AMER3: variants seen among roughly 807,000 people sequenced by gnomAD.
AMER3 encodes the protein family with sequence similarity 123C.
For synonymous variants in AMER3, 541 were observed against 485.5 expected, an observed-to-expected ratio of 1.11 and a Z score of -1.50; for missense variants, 1,201 against 1,139.4, an observed-to-expected ratio of 1.05 and a Z score of -0.78.
Position 130,762,919 on chromosome 2 carries a change from G to T in AMER3, c.847G>T (p.Val283Phe). The T allele has an allele frequency of 6.2e-7, 1 of 1,612,754 alleles. No homozygotes were observed. Among genetic ancestry groups the T allele is most frequent in the Non-Finnish European group, 8.5e-7 (1 of 1,179,646 alleles). The stretch of plus-strand genomic sequence containing the variant: ...GGCTGCTCAGGGCCTGGAGAGCAAG[G>T]TTCCCAGGGGCCCTCTCCAGGGCAG... Reference protein sequence around the residue: ...TQAAQGLESKVPRGPLQGSVE... With the variant: ...TQAAQGLESKFPRGPLQGSVE... Residue 283 changes from valine (V) to phenylalanine (F), a missense_variant, in exon 2 of 2, where the codon GTT becomes TTT. By Grantham distance (50) the Val-to-Phe change is conservative. Coordinates refer to ENST00000321420, the MANE Select transcript of AMER3 (RefSeq NM_152698.3).
Position 130,762,584 on chromosome 2 carries a change from C to T in AMER3, c.512C>T (p.Thr171Ile). 6.2e-7 allele frequency: 1 copy of T among 1,613,310 alleles called. No individual in the cohort carries two copies. The highest frequency in any genetic ancestry group is 8.5e-7 in the Non-Finnish European group (1 of 1,179,994). ...CTATTCCACATTCGGAGAAACAAGACTGAGGACTTGGCCTCGCTGGCGGCC... is the reference window on the plus strand; with the variant it reads ...CTATTCCACATTCGGAGAAACAAGATTGAGGACTTGGCCTCGCTGGCGGCC... ...RNLFHIRRNK[T>I]EDLASLAAEG... is the part of the protein sequence containing the mutation. Residue 171 changes from threonine to isoleucine, a missense_variant, in exon 2 of 2, where the codon ACT becomes ATT. By Grantham distance (89) the Thr-to-Ile change is moderately conservative (BLOSUM62 -1). Transcript: ENST00000321420.
intron 1 of AMER3, 94 bp from the exon 2 acceptor site, chr2:130,761,960 A>C: frequency 7.5e-6 from 9 of 1,192,144 alleles, no homozygotes; most frequent in Non-Finnish European, 9.3e-6. Context: ...AGGCCCCTGC[A>C]GAGAGTGAGC....
rs1431231336 is a variant in AMER3 at position 130,762,864 on chromosome 2, GCTGAACGAGGGC to G, written c.794_805del (p.Leu265_Gly268del). Reference sequence around the variant, plus strand: ...ATGAGAGCTCGGTGCCATCTCTGGAGCTGAACGAGGGCCCGGAGAGCCCAACCCAGGCTGCTC... The same window carrying G: ...ATGAGAGCTCGGTGCCATCTCTGGAGCCGGAGAGCCCAACCCAGGCTGCTC... On this transcript the variant is annotated inframe_deletion, in exon 2 of 2. Coordinates refer to ENST00000321420, the MANE Select transcript of AMER3 (RefSeq NM_152698.3). 3.7e-6 allele frequency: 6 copies of G among 1,613,276 alleles called. No homozygotes were observed. Among genetic ancestry groups the G allele is most frequent in the Non-Finnish European group, 5.1e-6 (6 of 1,180,008 alleles).
rs779306508 is a variant in AMER3, at chr2:130,763,627, C to T, written c.1555C>T (p.Arg519Cys). ...VSWLRRGPTP[R>C]APPTPGQPAA... is the part of the protein sequence containing the mutation. The stretch of plus-strand genomic sequence containing the variant: ...CTGGCTGCGCCGAGGCCCCACGCCC[C>T]GTGCCCCACCCACCCCTGGGCAGCC... Residue 519 changes from arginine (R) to cysteine (C), a missense_variant, in exon 2 of 2, where the codon CGT (arginine) becomes TGT (cysteine). Arg to Cys is a radical substitution (Grantham distance 180). Transcript: ENST00000321420. 44 of 1,552,556 alleles carry T rather than the reference C, an allele frequency of 2.8e-5. No homozygotes were observed. The highest frequency in any genetic ancestry group is 3.5e-5 in the Non-Finnish European group (40 of 1,150,752).
In AMER3 at chr2:130,763,283, GC is replaced by G; in HGVS notation, c.1214del (p.Pro405GlnfsTer91). Reference protein sequence around the residue: ...GLEEDKKEAESPGTPAATFPR... With the variant: ...GLEEDKKEAEXPGTPAATFPR... The stretch of plus-strand genomic sequence containing the variant: ...GAGGAGGACAAGAAGGAAGCTGAGA[GC>G]CCAGGCACTCCTGCCGCCACCTTCC... On this transcript the variant is annotated frameshift_variant, in exon 2 of 2. Transcript: ENST00000321420. LOFTEE classifies it low-confidence loss of function (END_TRUNC). The G allele has an allele frequency of 6.2e-7, 1 of 1,613,802 alleles. No individual in the cohort carries two copies. The highest frequency in any genetic ancestry group is 8.5e-7 in the Non-Finnish European group (1 of 1,180,036).
chr2:130,759,617 C>G (rs956153326), intron 1 of AMER3, among the ~76,000 whole-genome samples: 1 of 152,096 alleles, frequency 6.6e-6, no homozygotes, highest in South Asian at 2.1e-4. Context: ...TGTGAGCTAC[C>G]CTTCTTGCTT....
At position 130,762,963 on chromosome 2, in the gene AMER3, G is replaced by A. The variant is rs750886714; in HGVS notation, c.891G>A (p.Ser297=). 18 of 1,612,942 alleles carry A rather than the reference G, an allele frequency of 1.1e-5. No homozygotes were observed. Among genetic ancestry groups the A allele is most frequent in the African/African-American group, 5.3e-5 (4 of 74,888 alleles). Residue 297 remains serine, a synonymous_variant, in exon 2 of 2, where the codon TCG becomes TCA. Coordinates refer to ENST00000321420, the MANE Select transcript of AMER3 (RefSeq NM_152698.3). Reference sequence around the variant, plus strand: ...AGGGCAGTGTGGAGCAGCTGGCCTCGCCCGCCCAGAATGAAGCCTCTGACT... The same window carrying A: ...AGGGCAGTGTGGAGCAGCTGGCCTCACCCGCCCAGAATGAAGCCTCTGACT... ...PLQGSVEQLA[S]PAQNEASDFT...
Position 130,764,480 on chromosome 2 carries a change from G to A in AMER3, c.2408G>A (p.Trp803Ter). The A allele has an allele frequency of 6.3e-7, 1 of 1,598,580 alleles. No homozygotes were observed. Among genetic ancestry groups the A allele is most frequent in the South Asian group, 1.1e-5 (1 of 88,966 alleles). Reference sequence around the variant, plus strand: ...CCCCGCTCAGCCCCTGCTGCCCGGTGGAGTTCCCAGGGCCACCATCCAGAA... The same window carrying A: ...CCCCGCTCAGCCCCTGCTGCCCGGTAGAGTTCCCAGGGCCACCATCCAGAA... ...SEPRSAPAAR[W>*]SSQGHHPESL... Residue 803 changes from tryptophan (W) to a stop codon, truncating the protein, a stop_gained, in exon 2 of 2, where the codon TGG becomes TAG. Coordinates refer to ENST00000321420, the MANE Select transcript of AMER3 (RefSeq NM_152698.3). LOFTEE classifies it low-confidence loss of function (END_TRUNC).
rs779479871 is a variant in AMER3 at position 130,762,454 on chromosome 2, G to A, written c.382G>A (p.Asp128Asn). The A allele has an allele frequency of 8.1e-6, 13 of 1,612,986 alleles. No individual in the cohort carries two copies. The highest frequency in any genetic ancestry group is 1.7e-5 in the Admixed American group (1 of 60,030). Residue 128 changes from aspartate to asparagine, a missense_variant, in exon 2 of 2, where the codon GAC becomes AAC. Physicochemically the swap from Asp to Asn is conservative, Grantham distance 23. Coordinates refer to ENST00000321420, the MANE Select transcript of AMER3 (RefSeq NM_152698.3). ...CTCCCCGGGCAGCCGGCGCATGATCGACTACCGCCACTTTGTGCCCCAGAT... is the reference window on the plus strand; with the variant it reads ...CTCCCCGGGCAGCCGGCGCATGATCAACTACCGCCACTTTGTGCCCCAGAT... ...PGSPGSRRMI[D>N]YRHFVPQMPF...
rs780038417 is a variant in AMER3, at chr2:130,764,369, C to T, written c.2297C>T (p.Ala766Val). ...RVEPTGLGVQ[A>V]WASVEDQPLQ... is the part of the protein sequence containing the mutation. Reference sequence around the variant, plus strand: ...GAGCCCACCGGGCTAGGTGTCCAGGCCTGGGCCTCTGTGGAGGACCAGCCC... The same window carrying T: ...GAGCCCACCGGGCTAGGTGTCCAGGTCTGGGCCTCTGTGGAGGACCAGCCC... Residue 766 changes from alanine (A) to valine (V), a missense_variant, in exon 2 of 2, where the codon GCC (alanine) becomes GTC (valine). Coordinates refer to ENST00000321420, the MANE Select transcript of AMER3 (RefSeq NM_152698.3). 141 of 1,612,650 alleles carry T rather than the reference C, an allele frequency of 8.7e-5. No individual in the cohort carries two copies. Among genetic ancestry groups the T allele is most frequent in the Non-Finnish European group, 1.1e-4 (131 of 1,179,602 alleles).
At position 130,756,281 on chromosome 2, in the gene AMER3, G is replaced by T. The variant is rs1290013684; in HGVS notation, c.-20+607G>T. On this transcript the variant is annotated intron_variant, in intron 1 of 1. Coordinates refer to ENST00000321420, the MANE Select transcript of AMER3 (RefSeq NM_152698.3). ...GGCCTCCCCCTCCCGGCCGCGGCGC[G>T]CGGCGCCGGGAGCTGACCGTGGTGC... is the stretch of plus-strand genomic sequence containing the variant. 2.2e-5 allele frequency: 3 copies of T among 135,812 alleles called. No individual in the cohort carries two copies. The East Asian group carries it at 9.4e-4, about 42-fold the overall frequency. 8.4% of individuals were successfully genotyped at this position (135,812 alleles called of 1,614,324 possible).
In AMER3 at chr2:130,764,360, G is replaced by T. The variant is rs1488490501; in HGVS notation, c.2288G>T (p.Gly763Val). The change falls in exon 2 of 2, where the codon GGT (glycine) becomes GTT (valine). Residue 763 changes from glycine (G) to valine (V), a missense_variant. Gly to Val is a moderately radical substitution (Grantham distance 109). Transcript: ENST00000321420. The part of the protein sequence containing the change: ...SWLRVEPTGL[G>V]VQAWASVEDQ... ...CTCAGGGTGGAGCCCACCGGGCTAG[G>T]TGTCCAGGCCTGGGCCTCTGTGGAG... 1.2e-6 allele frequency: 2 copies of T among 1,611,646 alleles called. No individual in the cohort carries two copies. Among genetic ancestry groups the T allele is most frequent in the Admixed American group, 3.3e-5 (2 of 59,994 alleles).
Position 130,763,698 on chromosome 2 carries a change from G to A in AMER3, c.1626G>A (p.Glu542=). 1 of 1,547,970 alleles carries A rather than the reference G, an allele frequency of 6.5e-7. No homozygotes were observed. The highest frequency in any genetic ancestry group is 1.2e-5 in the South Asian group (1 of 82,118). The change falls in exon 2 of 2, where the codon GAG becomes GAA. Residue 542 remains glutamate (E), a synonymous_variant. Coordinates refer to ENST00000321420, the MANE Select transcript of AMER3 (RefSeq NM_152698.3). ...AGGGAGCCCCTAGGGCACCCACAGA[G>A]AAGCTGGGGGGCAGGGAGGGCCTGG... ...GSQGAPRAPT[E]KLGGREGLAS...
At position 130,765,978 on chromosome 2, in the gene AMER3, C is replaced by G. The variant is rs981381686; in HGVS notation, c.*1320C>G. ...TGAAGTCCACAGGTCCACCCCTTGT[C>G]AACTTGGCATCCATCCGCATCCCCT... On this transcript the variant is annotated 3_prime_UTR_variant, in exon 2 of 2. Coordinates refer to ENST00000321420, the MANE Select transcript of AMER3 (RefSeq NM_152698.3). The G allele has an allele frequency of 6.0e-6, 1 of 167,112 alleles. No homozygotes were observed. The highest frequency in any genetic ancestry group is 2.4e-5 in the African/African-American group (1 of 41,448). The allele number at this position is 167,112 out of a possible 1,614,324, so 10.4% of individuals were successfully genotyped here.
chr2:130,759,006 A>G (rs1558964761), intron 1 of AMER3, among the ~76,000 whole-genome samples: 3 of 152,238 alleles, frequency 2.0e-5, no homozygotes, highest in East Asian at 1.9e-4. Context: ...GGGCCCTCCA[A>G]CCACCCAGGG....
At chr2:130,761,202 C>T (rs1678772772) in intron 1 of AMER3, among the ~76,000 whole-genome samples, 1 of 152,164 alleles carries the variant, frequency 6.6e-6, no homozygotes, top group African/African-American at 2.4e-5. Flanking sequence ...AGTGTAGGGC[C>T]GGATGCCCTA....
In AMER3 at chr2:130,763,108, G is replaced by C. The variant is rs927688504; in HGVS notation, c.1036G>C (p.Gly346Arg). Residue 346 changes from glycine to arginine, a missense_variant, in exon 2 of 2, where the codon GGG becomes CGG. Transcript: ENST00000321420. ...GGACCAATCCCGGCTGGACACAGCT[G>C]GGCTCGCTGAGCTGCCCCTCTGCCC... ...DRDQSRLDTAGLAELPLCPCR... is the reference protein window; with the variant it reads ...DRDQSRLDTARLAELPLCPCR... The C allele has an allele frequency of 1.9e-6, 3 of 1,613,150 alleles. No homozygotes were observed. The highest frequency in any genetic ancestry group is 2.5e-6 in the Non-Finnish European group (3 of 1,179,880).
At chr2:130,758,992 C>G (rs555104103) in intron 1 of AMER3, among the ~76,000 whole-genome samples, 1 of 143,020 alleles carries the variant, frequency 7.0e-6, no homozygotes, top group Admixed American at 6.8e-5. Flanking sequence ...TCCAGCCAGG[C>G]AGTGGGCCCT....
chr2:130,758,357 AGAAAGAAG>A (rs530947930), intron 1 of AMER3, among the ~76,000 whole-genome samples: 88 of 151,394 alleles, frequency 5.8e-4, no homozygotes, highest in South Asian at 1.3e-3. Flanking sequence ...GAGGGAGAAA[AGAAAGAAG>A]GAAAGAAGGA....
Sources: gnomAD v4.1 joint callset for allele counts (sites outside exome capture counted in the v4.1 genomes callset) on GRCh38, gnomAD v4.1.1 for gene constraint, MANE v1.5 for transcripts, NCBI Gene and HGNC (gene_info 2026-07-23, HGNC 2026-07-21) for gene names.